PPP1R9B: variants seen among roughly 807,000 people sequenced by gnomAD.
PPP1R9B encodes the protein protein phosphatase 1 regulatory subunit 9B.
In PPP1R9B, 17 loss-of-function variants were observed where a neutral mutation model predicts 75.8. That is an observed-to-expected ratio of 0.22 (90% CI 0.15 to 0.34). The LOEUF is 0.34. Ranked by LOEUF, PPP1R9B falls within the 10% of genes least tolerant of loss-of-function variation. The pLI, the probability that PPP1R9B is intolerant of heterozygous loss-of-function variation, is 1.00. For missense variants in PPP1R9B, 875 were observed against 1,196.0 expected (o/e 0.73, Z 3.96); for synonymous variants, 509 against 535.4 (o/e 0.95, Z 0.68).
chr17:50,144,849 C>G (rs971680632), intron 2 of PPP1R9B, among the ~76,000 whole-genome samples: 3 of 152,210 alleles, frequency 2.0e-5, no homozygotes, highest in Admixed American at 6.5e-5. Context: ...CACACAGTAC[C>G]CTACAGAGAC....
chr17:50,148,581 A>C (rs1912582053), intron 1 of PPP1R9B, among the ~76,000 whole-genome samples: 1 of 152,046 alleles, frequency 6.6e-6, no homozygotes, highest in Non-Finnish European at 1.5e-5. Context: ...TCCCTCTTTC[A>C]CTTCTGCAAA....
Position 50,150,005 on chromosome 17 carries a change from A to G in PPP1R9B, c.509T>C (p.Leu170Pro), listed in dbSNP as rs1305564679. 1 of 1,490,582 alleles carries G rather than the reference A, an allele frequency of 6.7e-7. No individual in the cohort carries two copies. 92.3% of individuals were successfully genotyped at this position (1,490,582 alleles called of 1,614,324 possible). A position where few individuals can be genotyped will look rare whatever the true frequency, so the allele number is the denominator to read the frequency against. Residue 170 changes from leucine (L) to proline (P), a missense_variant, in exon 1 of 10, where the codon CTG becomes CCG. Transcript: ENST00000612501. The surrounding 1 kb of genome is among the most constrained non-coding windows in gnomAD (Gnocchi z 8.7). Reference protein sequence around the residue: ...GGDKEAAARRLLRQERAGLQD... With the variant: ...GGDKEAAARRPLRQERAGLQD... ...CAGGCCGGCGCGCTCCTGCCTCAGC[A>G]GCCGCCGCGCCGCGGCCTCCTTGTC...
At chr17:50,143,791 G>A (rs933685069) in intron 2 of PPP1R9B, 73 bp from the exon 3 acceptor site, 11 of 1,592,502 alleles carry the variant, frequency 6.9e-6, no homozygotes, top group Non-Finnish European at 8.6e-6. Context: ...CCGAATTCCA[G>A]GGCACAGCCC....
chr17:50,136,197 G>A lies in PPP1R9B; in HGVS notation c.2074C>T (p.Leu692=), dbSNP rs913028016. Reference sequence around the variant, plus strand: ...CCCTTCTCCTGCTCCAGGCTCTGCAGCTGAGAGAGAAAGGCACGGCCCTGG... The same window carrying A: ...CCCTTCTCCTGCTCCAGGCTCTGCAACTGAGAGAGAAAGGCACGGCCCTGG... ...EAEIQQLKRK[L]QSLEQEKGRW... Residue 692 remains leucine, a splice_region_variant and synonymous_variant, in exon 8 of 10, where the codon CTG becomes TTG. Coordinates refer to ENST00000612501, the MANE Select transcript of PPP1R9B (RefSeq NM_032595.5). 4.4e-6 allele frequency: 7 copies of A among 1,599,696 alleles called. No homozygotes were observed. Among genetic ancestry groups the A allele is most frequent in the Non-Finnish European group, 1.7e-6 (2 of 1,179,486 alleles).
Position 50,150,249 on chromosome 17 carries a change from G to A in PPP1R9B, c.265C>T (p.Arg89Cys), listed in dbSNP as rs1055088285. The A allele has an allele frequency of 1.4e-6, 2 of 1,438,544 alleles. No homozygotes were observed. The highest frequency in any genetic ancestry group is 1.4e-5 in the South Asian group (1 of 71,856). The allele number at this position is 1,438,544 out of a possible 1,614,324, so 89.1% of individuals were successfully genotyped here. Residue 89 changes from arginine to cysteine, a missense_variant, in exon 1 of 10, where the codon CGC becomes TGC. Arg to Cys is a radical substitution (Grantham distance 180). Transcript: ENST00000612501. This position sits in a 1 kb window ranked among gnomAD's most constrained non-coding sequence, Gnocchi z 8.7. ...CGCGGCAGCGACAGGCGCACGCCGCGCTCGGACGCCCGTGGGGCCTCGGCC... is the reference window on the plus strand; with the variant it reads ...CGCGGCAGCGACAGGCGCACGCCGCACTCGGACGCCCGTGGGGCCTCGGCC... ...GLAEAPRASE[R>C]GVRLSLPRAS...
chr17:50,141,662 CAA>C (rs398058762), intron 3 of PPP1R9B, among the ~76,000 whole-genome samples: 8 of 85,718 alleles, frequency 9.3e-5, no homozygotes, highest in Non-Finnish European at 1.2e-4. Flanking sequence ...GACCCTGCCT[CAA>C]AAAAAAAAAA....
Position 50,140,098 on chromosome 17 carries a change from C to T in PPP1R9B, c.1861G>A (p.Glu621Lys), listed in dbSNP as rs753589837. ...QRYAQYGEDD[E>K]ETGEYATDED... ...GCCAGGCAGGGACTCCCTACCTCCT[C>T]GTCATCCTCCCCATACTGGGCGTAT... Residue 621 changes from glutamate (E) to lysine (K), a missense_variant, in exon 5 of 10, where the codon GAG becomes AAG. By Grantham distance (56) the Glu-to-Lys change is moderately conservative. Coordinates refer to ENST00000612501, the MANE Select transcript of PPP1R9B (RefSeq NM_032595.5). 10 of 1,613,316 alleles carry T rather than the reference C, an allele frequency of 6.2e-6. No individual in the cohort carries two copies. Among genetic ancestry groups the T allele is most frequent in the East Asian group, 2.2e-5 (1 of 44,866 alleles).
At position 50,141,328 on chromosome 17, in the gene PPP1R9B, C is replaced by T. The variant is rs1174390142; in HGVS notation, c.1671G>A (p.Leu557=). 1 of 1,593,466 alleles carries T rather than the reference C, an allele frequency of 6.3e-7. No homozygotes were observed. Among genetic ancestry groups the T allele is most frequent in the East Asian group, 2.3e-5 (1 of 43,500 alleles). The change falls in exon 4 of 10, where the codon CTG becomes CTA. Residue 557 remains leucine, a synonymous_variant. Transcript: ENST00000612501. ...DLLVEVDGTS[L]VGVTQSFAAS... ...CCGCGAAGCTCTGGGTCACTCCCAC[C>T]AGACTTGTTCCATCCACCTCCACCA...
Position 50,135,360 on chromosome 17 carries a change from G to C in PPP1R9B, c.2425C>G (p.Gln809Glu), listed in dbSNP as rs758288411. The C allele has an allele frequency of 8.7e-6, 14 of 1,613,498 alleles. No individual in the cohort carries two copies. The highest frequency in any genetic ancestry group is 2.2e-5 in the South Asian group (2 of 91,092). Residue 809 changes from glutamine to glutamate, a missense_variant, in exon 10 of 10, where the codon CAA (glutamine) becomes GAA (glutamate). Physicochemically the swap from Gln to Glu is conservative, Grantham distance 29. Coordinates refer to ENST00000612501, the MANE Select transcript of PPP1R9B (RefSeq NM_032595.5). The stretch of plus-strand genomic sequence containing the variant: ...GTAGAATTGGAATTCCTCAGTGTTT[G>C]CAAGTTTCCTTCCAGTTCTGAGATC... ...DKISELEGNL[Q>E]TLRNSNST
rs1163362701 is a variant in PPP1R9B, at chr17:50,139,662, C to T, written c.1867-81G>A. On this transcript the variant is annotated intron_variant, in intron 5 of 9. Transcript: ENST00000612501. The surrounding 1 kb of genome is among the most constrained non-coding windows in gnomAD (Gnocchi z 5.0). ...GATGACCAGGGCTGGGACCAGTTGC[C>T]CATGCCAGACAGAGAGCTACCCAGG... 4.1e-6 allele frequency: 6 copies of T among 1,455,924 alleles called. No homozygotes were observed. Among genetic ancestry groups the T allele is most frequent in the East Asian group, 2.3e-5 (1 of 43,478 alleles). 90.2% of individuals were successfully genotyped at this position (1,455,924 alleles called of 1,614,324 possible).
chr17:50,135,993 G>A lies in PPP1R9B; in HGVS notation c.2278C>T (p.Arg760Cys), dbSNP rs761294488. 8.8e-6 allele frequency: 14 copies of A among 1,585,850 alleles called. No individual in the cohort carries two copies. The highest frequency in any genetic ancestry group is 4.6e-5 in the South Asian group (4 of 87,764). Residue 760 changes from arginine to cysteine, a missense_variant, in exon 8 of 10, where the codon CGC becomes TGC. Physicochemically the swap from Arg to Cys is radical, Grantham distance 180 (BLOSUM62 -3). Transcript: ENST00000612501. ...TTCTGCTGGTAGTCCTTGATGAGGC[G>A]CTTGGCCTTGCTGTACTTGCGCTCC... is the stretch of plus-strand genomic sequence containing the variant. The part of the protein sequence containing the change: ...ALERKYSKAK[R>C]LIKDYQQKEI...
chr17:50,136,130 T>C lies in PPP1R9B; in HGVS notation c.2141A>G (p.Glu714Gly). The C allele has an allele frequency of 5.0e-6, 8 of 1,607,732 alleles. No homozygotes were observed. The highest frequency in any genetic ancestry group is 6.8e-6 in the Non-Finnish European group (8 of 1,179,810). Reference sequence around the variant, plus strand: ...TTTCTCCATGCGCTCCTTGTTCTCCTCCACACTCTGCTCCAACTGCGCCTT... The same window carrying C: ...TTTCTCCATGCGCTCCTTGTTCTCCCCCACACTCTGCTCCAACTGCGCCTT... Reference protein sequence around the residue: ...VEKAQLEQSVEENKERMEKLE... With the variant: ...VEKAQLEQSVGENKERMEKLE... The change falls in exon 8 of 10, where the codon GAG becomes GGG. Residue 714 changes from glutamate (E) to glycine (G), a missense_variant. This residue lies in a region of PPP1R9B where 218 missense variants were observed against 334.6 expected (regional missense o/e 0.65). Coordinates refer to ENST00000612501, the MANE Select transcript of PPP1R9B (RefSeq NM_032595.5).
chr17:50,150,104 G>A lies in PPP1R9B; in HGVS notation c.410C>T (p.Pro137Leu), dbSNP rs773611704. 14 of 1,397,868 alleles carry A rather than the reference G, an allele frequency of 1.0e-5. No homozygotes were observed. In the South Asian group the frequency reaches 1.7e-4, roughly 17 times the overall value. The allele number at this position is 1,397,868 out of a possible 1,614,324, so 86.6% of individuals were successfully genotyped here. A position where few individuals can be genotyped will look rare whatever the true frequency, so the allele number is the denominator to read the frequency against. ...KPAPSAQPAPPPHPPSRLQET... is the reference protein window; with the variant it reads ...KPAPSAQPAPLPHPPSRLQET... ...CTGCAGCCGGGACGGCGGGTGCGGC[G>A]GCGGCGCAGGCTGCGCGGAGGGCGC... The change falls in exon 1 of 10, where the codon CCG (proline) becomes CTG (leucine). Residue 137 changes from proline (P) to leucine (L), a missense_variant. Physicochemically the swap from Pro to Leu is moderately conservative, Grantham distance 98. Around this residue, in one of 4 missense-constraint regions of PPP1R9B, gnomAD observed 449 missense variants for 475.0 expected, o/e 0.95. Transcript: ENST00000612501. This position sits in a 1 kb window ranked among gnomAD's most constrained non-coding sequence, Gnocchi z 8.7.
chr17:50,145,044 C>A lies in PPP1R9B; in HGVS notation c.1504+69G>T, dbSNP rs1388090751. 19 of 1,570,536 alleles carry A rather than the reference C, an allele frequency of 1.2e-5. No individual in the cohort carries two copies. In the African/African-American group the frequency reaches 1.6e-4, roughly 13 times the overall value. On this transcript the variant is annotated intron_variant, in intron 2 of 9. Transcript: ENST00000612501. ...AGCCCCTGAGGGCACAGGGCAGGAG[C>A]TGGTGCCAGAGATGAGACCCGGGTC...
Position 50,136,132 on chromosome 17 carries a change from C to T in PPP1R9B, c.2139G>A (p.Val713=). The part of the protein sequence containing the change: ...RVEKAQLEQS[V]EENKERMEKL... ...TCTCCATGCGCTCCTTGTTCTCCTC[C>T]ACACTCTGCTCCAACTGCGCCTTCT... The change falls in exon 8 of 10, where the codon GTG becomes GTA. Residue 713 remains valine (V), a synonymous_variant. Transcript: ENST00000612501. 6.2e-7 allele frequency: 1 copy of T among 1,607,564 alleles called. No homozygotes were observed. Among genetic ancestry groups the T allele is most frequent in the Non-Finnish European group, 8.5e-7 (1 of 1,179,822 alleles).
chr17:50,140,056 G>C lies in PPP1R9B; in HGVS notation c.1866+37C>G, dbSNP rs372202693. On this transcript the variant is annotated intron_variant, in intron 5 of 9. Transcript: ENST00000612501. Reference sequence around the variant, plus strand: ...TGTAATGCTTCATCTAGCCACCAGGGGGCGACCACGCGGCCAGCCAGGCAG... The same window carrying C: ...TGTAATGCTTCATCTAGCCACCAGGCGGCGACCACGCGGCCAGCCAGGCAG... 6 of 1,607,506 alleles carry C rather than the reference G, an allele frequency of 3.7e-6. No homozygotes were observed. The East Asian group carries it at 1.1e-4, about 30-fold the overall frequency.
intron 8 of PPP1R9B, 95 bp from the exon 9 acceptor site, chr17:50,135,744 G>T: frequency 8.8e-7 from 1 of 1,131,044 alleles, no homozygotes; most frequent in Non-Finnish European, 1.3e-6. Context: ...GGGCAACTCT[G>T]TCCTTCCCTG....
At position 50,145,550 on chromosome 17, in the gene PPP1R9B, C is replaced by T. The variant is rs536558895; in HGVS notation, c.1372-305G>A. On this transcript the variant is annotated intron_variant, in intron 1 of 9. Coordinates refer to ENST00000612501, the MANE Select transcript of PPP1R9B (RefSeq NM_032595.5). The stretch of plus-strand genomic sequence containing the variant: ...GCACAGAAGGGGAATCCTGGAGAAA[C>T]GTCCAACTCAGGAACCCAGACACCC... Among the ~76,000 whole-genome samples, 3 of 152,250 alleles carry T rather than the reference C, an allele frequency of 2.0e-5. No individual in the cohort carries two copies. The South Asian group carries it at 6.2e-4, about 32-fold the overall frequency.
Position 50,135,402 on chromosome 17 carries a change from G to A in PPP1R9B, c.2401-18C>T. Reference sequence around the variant, plus strand: ...TCTGAGATCTGGAAAACAAAGGAGGGTAGGGGGTCAGGTCTGGACACCAGG... The same window carrying A: ...TCTGAGATCTGGAAAACAAAGGAGGATAGGGGGTCAGGTCTGGACACCAGG... On this transcript the variant is annotated intron_variant, in intron 9 of 9. Transcript: ENST00000612501. 10 of 1,613,152 alleles carry A rather than the reference G, an allele frequency of 6.2e-6. 1 individual carries two copies. The Middle Eastern group carries it at 1.0e-3, about 163-fold the overall frequency.
Sources: allele counts gnomAD v4.1 joint callset (sites outside exome capture counted in the v4.1 genomes callset), GRCh38; gene constraint gnomAD v4.1.1; regional missense constraint gnomAD v4.1.1; non-coding constraint Gnocchi (gnomAD v3.1); transcripts MANE v1.5; gene names NCBI Gene and HGNC (gene_info 2026-07-23, HGNC 2026-07-21).